The following LYRM7 variants were observed in gnomAD, a reference collection of about 807,000 sequenced individuals.
The protein encoded by LYRM7 is complex III assembly factor LYRM7.
LYRM7 carries 9 observed loss-of-function variants against 15.8 expected under a neutral mutation model. The ratio of observed to expected loss-of-function variants is 0.57; its 90% confidence interval spans 0.34 to 0.99. LYRM7 has a LOEUF of 0.99. Ranked by LOEUF, LYRM7 falls within the 50% of genes least tolerant of loss-of-function variation. The pLI is 0.02. For missense variants in LYRM7, 115 were observed against 119.1 expected, an observed-to-expected ratio of 0.97 and a Z score of 0.16; for synonymous variants, 39 against 39.4, an observed-to-expected ratio of 0.99 and a Z score of 0.04.
rs561851442 is a variant in LYRM7, at chr5:131,201,432, C to G, written c.*1831C>G. ...CTACACAATAAAGTTCCTGAAAGTT[C>G]CTGGCTGGGCGCAGTGGCTCACGCC... is the stretch of plus-strand genomic sequence containing the variant. On this transcript the variant is annotated 3_prime_UTR_variant, in exon 5 of 5. Transcript: ENST00000379380. 6.6e-6 allele frequency: 1 copy of G among 151,428 alleles called. No individual in the cohort carries two copies. Among genetic ancestry groups the G allele is most frequent in the Non-Finnish European group, 1.5e-5 (1 of 68,016 alleles). 9.4% of individuals were successfully genotyped at this position (151,428 alleles called of 1,614,324 possible). A position where few individuals can be genotyped will look rare whatever the true frequency, so the allele number is the denominator to read the frequency against.
intron 1 of LYRM7, among the ~76,000 whole-genome samples, chr5:131,172,296 C>G (rs574866551): frequency 3.9e-4 from 60 of 152,300 alleles, no homozygotes; most frequent in South Asian, 3.3e-3. Context: ...TGCCTGTAAT[C>G]CCGCTACTCG....
At position 131,200,576 on chromosome 5, in the gene LYRM7, T is replaced by C. The variant is rs1357478452; in HGVS notation, c.*975T>C. The C allele has an allele frequency of 6.6e-6, 1 of 152,496 alleles. No individual in the cohort carries two copies. The highest frequency in any genetic ancestry group is 2.1e-4 in the South Asian group (1 of 4,832). 9.4% of individuals were successfully genotyped at this position (152,496 alleles called of 1,614,324 possible). A position where few individuals can be genotyped will look rare whatever the true frequency, so the allele number is the denominator to read the frequency against. ...GAATAGTATGTTTTCTCCCATTCAC[T>C]GATAAATTCTCTCATTTGATGATGA... On this transcript the variant is annotated 3_prime_UTR_variant, in exon 5 of 5. Transcript: ENST00000379380.
chr5:131,194,053 C>T (rs1277246367), intron 4 of LYRM7, among the ~76,000 whole-genome samples: 1 of 151,768 alleles, frequency 6.6e-6, no homozygotes, highest in Non-Finnish European at 1.5e-5. Context: ...TCTAATATGA[C>T]CAGAGTAGAT....
At chr5:131,198,422 G>A (rs962368298) in intron 4 of LYRM7, among the ~76,000 whole-genome samples, 1 of 152,002 alleles carries the variant, frequency 6.6e-6, no homozygotes, top group East Asian at 1.9e-4. Flanking sequence ...GTCTTTCTTC[G>A]TCTTTCATGT....
chr5:131,176,709 C>T (rs777027413), intron 1 of LYRM7, among the ~76,000 whole-genome samples: 4 of 152,084 alleles, frequency 2.6e-5, no homozygotes, highest in Admixed American at 6.6e-5. Flanking sequence ...AATTTTTCCA[C>T]CCTCAACCCC....
chr5:131,190,389 T>A (rs1755866817), intron 4 of LYRM7, among the ~76,000 whole-genome samples: 1 of 151,532 alleles, frequency 6.6e-6, no homozygotes, highest in Non-Finnish European at 1.5e-5. Context: ...AGAGACGGAG[T>A]TTCACCATGT....
intron 4 of LYRM7, among the ~76,000 whole-genome samples, 194 bp from the exon 5 acceptor site, chr5:131,199,337 G>A (rs1756020788): frequency 6.6e-6 from 1 of 152,080 alleles, no homozygotes; most frequent in South Asian, 2.1e-4. Flanking sequence ...TATATAATCT[G>A]AAATGAGAAT....
Position 131,171,033 on chromosome 5 carries a change from G to T in LYRM7, c.13G>T (p.Val5Phe). 1 of 1,534,362 alleles carries T rather than the reference G, an allele frequency of 6.5e-7. No homozygotes were observed. MGRA[V>F]KVLQLFKTLH... ...GGTGAGGAGAGCCATGGGACGGGCA[G>T]TCAAGGTGACAGGGCCCGGGAAGGG... Residue 5 changes from valine to phenylalanine, a missense_variant, in exon 1 of 5, where the codon GTC becomes TTC. Val to Phe is a conservative substitution (Grantham distance 50). Coordinates refer to ENST00000379380, the MANE Select transcript of LYRM7 (RefSeq NM_181705.4).
At position 131,203,100 on chromosome 5, in the gene LYRM7, C is replaced by T. The variant is rs1387669199; in HGVS notation, c.*3499C>T. The T allele has an allele frequency of 6.6e-6, 1 of 152,284 alleles. No homozygotes were observed. The highest frequency in any genetic ancestry group is 1.5e-5 in the Non-Finnish European group (1 of 68,024). 9.4% of individuals were successfully genotyped at this position (152,284 alleles called of 1,614,324 possible). On this transcript the variant is annotated 3_prime_UTR_variant, in exon 5 of 5. Coordinates refer to ENST00000379380, the MANE Select transcript of LYRM7 (RefSeq NM_181705.4). ...AATTTCTATACCTATTGACAAAGCA[C>T]ATAATTTAACCATAAACACAAAGCC... is the stretch of plus-strand genomic sequence containing the variant.
rs1413305548 is a variant in LYRM7 at position 131,204,741 on chromosome 5, TTTGTG to T, written c.*5142_*5146del. 3 of 120,054 alleles carry T rather than the reference TTTGTG, an allele frequency of 2.5e-5. No individual in the cohort carries two copies. The highest frequency in any genetic ancestry group is 1.5e-4 in the African/African-American group (3 of 19,924). 7.4% of individuals were successfully genotyped at this position (120,054 alleles called of 1,614,324 possible). A position where few individuals can be genotyped will look rare whatever the true frequency, so the allele number is the denominator to read the frequency against. ...AAGCATTTCAGAAAACGGATGTTCA[TTTGTG>T]TGTGTGTGTGTGTGTAAGCAGGTGT... On this transcript the variant is annotated 3_prime_UTR_variant, in exon 5 of 5. Transcript: ENST00000379380.
chr5:131,192,717 T>A (rs1174370064), intron 4 of LYRM7, among the ~76,000 whole-genome samples: 1 of 152,232 alleles, frequency 6.6e-6, no homozygotes, highest in Non-Finnish European at 1.5e-5. Context: ...TTTTCTGCTC[T>A]ATTTTTTGTA....
At chr5:131,192,032 T>A (rs962238512) in intron 4 of LYRM7, among the ~76,000 whole-genome samples, 1 of 127,672 alleles carries the variant, frequency 7.8e-6, no homozygotes, top group Non-Finnish European at 1.7e-5. Context: ...ATGTGGTGCA[T>A]ACACACACAC....
chr5:131,173,541 C>T (rs1031060994), intron 1 of LYRM7, among the ~76,000 whole-genome samples: 4 of 152,230 alleles, frequency 2.6e-5, no homozygotes, highest in East Asian at 1.9e-4. Context: ...GTCAAGAGTT[C>T]GAGACCCATC....
chr5:131,184,166 C>A (rs1049313858), intron 3 of LYRM7, among the ~76,000 whole-genome samples: 1 of 152,078 alleles, frequency 6.6e-6, no homozygotes, highest in African/African-American at 2.4e-5. Context: ...CGGGTTTCAC[C>A]ATGTTGGCCA....
chr5:131,192,952 A>ATTTATGATCAAATTTATGAT (rs1353659344), intron 4 of LYRM7, among the ~76,000 whole-genome samples: 82 of 152,282 alleles, frequency 5.4e-4, no homozygotes, highest in Middle Eastern at 3.4e-3. Context: ...TTTCATTCGT[A>ATTTATGATCAAATTTATGAT]CAAATTTATG....
intron 4 of LYRM7, among the ~76,000 whole-genome samples, chr5:131,189,824 G>A (rs1220921985): frequency 6.6e-6 from 1 of 152,034 alleles, no homozygotes; most frequent in East Asian, 1.9e-4. Flanking sequence ...TAATTAATGG[G>A]GACTTATCAG....
chr5:131,189,558 A>AT (rs1322429556), intron 4 of LYRM7, among the ~76,000 whole-genome samples: 2 of 144,418 alleles, frequency 1.4e-5, no homozygotes, highest in Non-Finnish European at 3.0e-5. Flanking sequence ...GTCAAGATTT[A>AT]TTTTTTTACA....
chr5:131,184,645 G>GGGGC (rs1755766604), intron 3 of LYRM7, among the ~76,000 whole-genome samples: 8 of 145,160 alleles, frequency 5.5e-5, no homozygotes, highest in African/African-American at 2.0e-4. Flanking sequence ...TTTGGCGGGG[G>GGGGC]GGGGGTTCCA....
chr5:131,192,032 TACACACACACACACACAC>T (rs60867142), intron 4 of LYRM7, among the ~76,000 whole-genome samples: 13,768 of 127,764 alleles, frequency 0.11, 806 homozygotes, highest in South Asian at 0.16. Context: ...ATGTGGTGCA[TACACACACACACACACAC>T]ACACACACAC....
Sources: gnomAD v4.1 joint callset for allele counts (sites outside exome capture counted in the v4.1 genomes callset) on GRCh38, gnomAD v4.1.1 for gene constraint, MANE v1.5 for transcripts, NCBI Gene and HGNC (gene_info 2026-07-23, HGNC 2026-07-21) for gene names.